The following ENTREP2 variants were observed in gnomAD, a reference collection of about 807,000 sequenced individuals.
ENTREP2 encodes the protein protein ENTREP2.
the ENTREP2 span, among the ~76,000 whole-genome samples, chr15:29,323,138 C>G: frequency 1.3e-5 from 2 of 152,152 alleles, no homozygotes; most frequent in Admixed American, 1.3e-4. Flanking sequence ...TCCTTGGAAT[C>G]CCCAAAGTCC....
the ENTREP2 span, among the ~76,000 whole-genome samples, chr15:29,642,834 G>C: frequency 3.3e-5 from 5 of 152,070 alleles, no homozygotes; most frequent in South Asian, 4.2e-4. Flanking sequence ...GGATGATCTC[G>C]ATCTCTTGAC....
chr15:29,144,158 C>G, the ENTREP2 span, among the ~76,000 whole-genome samples: 103 of 152,296 alleles, frequency 6.8e-4, no homozygotes, highest in African/African-American at 2.3e-3. Flanking sequence ...ACGCCTTCTT[C>G]TCTGGGACTA....
At chr15:29,518,199 T>TCAAAACAAAA in the ENTREP2 span, among the ~76,000 whole-genome samples, 17 of 151,870 alleles carry the variant, frequency 1.1e-4, no homozygotes, top group Admixed American at 8.5e-4. Flanking sequence ...AGACCTAGTC[T>TCAAAACAAAA]CAAAACAAAA....
At chr15:29,456,341 T>TCCACTGAG in the ENTREP2 span, among the ~76,000 whole-genome samples, 1 of 152,138 alleles carries the variant, frequency 6.6e-6, no homozygotes, top group Non-Finnish European at 1.5e-5. Context: ...CTAATCTGAC[T>TCCACTGAG]GCATGGAAGA....
At chr15:29,190,353 C>T in the ENTREP2 span, among the ~76,000 whole-genome samples, 2 of 151,124 alleles carry the variant, frequency 1.3e-5, no homozygotes, top group Non-Finnish European at 3.0e-5. Flanking sequence ...CCCAGGGGTT[C>T]TCTGCTAAAA....
the ENTREP2 span, among the ~76,000 whole-genome samples, chr15:29,550,713 C>T: frequency 3.7e-4 from 56 of 152,184 alleles, no homozygotes; most frequent in Non-Finnish European, 7.1e-4. Flanking sequence ...AAATAAAATT[C>T]ATAACCAAAA....
At chr15:29,235,386 C>T in the ENTREP2 span, among the ~76,000 whole-genome samples, 2 of 152,146 alleles carry the variant, frequency 1.3e-5, no homozygotes, top group African/African-American at 4.8e-5. Context: ...TTTCATCTTG[C>T]TTGTCCTTAA....
chr15:29,201,440 G>A, the ENTREP2 span, among the ~76,000 whole-genome samples: 2 of 152,128 alleles, frequency 1.3e-5, no homozygotes, highest in African/African-American at 4.8e-5. Context: ...AGTTGAGGAC[G>A]TTCTCTATGC....
the ENTREP2 span, among the ~76,000 whole-genome samples, chr15:29,294,860 A>G: frequency 6.6e-6 from 1 of 152,162 alleles, no homozygotes; most frequent in Admixed American, 6.5e-5. Flanking sequence ...GTGTCTGAGG[A>G]ACAATTTGGC....
the ENTREP2 span, among the ~76,000 whole-genome samples, chr15:29,658,984 C>G: frequency 6.6e-6 from 1 of 152,258 alleles, no homozygotes; most frequent in Non-Finnish European, 1.5e-5. Context: ...TCACTTCACA[C>G]AACATACAGA....
At chr15:29,551,564 C>A in the ENTREP2 span, among the ~76,000 whole-genome samples, 1 of 152,140 alleles carries the variant, frequency 6.6e-6, no homozygotes, top group Non-Finnish European at 1.5e-5. Flanking sequence ...CATAAGATAC[C>A]AGTTCTCAGC....
the ENTREP2 span, among the ~76,000 whole-genome samples, chr15:29,596,596 T>C: frequency 1.3e-5 from 2 of 152,202 alleles, no homozygotes; most frequent in African/African-American, 2.4e-5. Flanking sequence ...GTTCCATACA[T>C]TTGTGGTACA....
chr15:29,421,947 T>G, the ENTREP2 span, among the ~76,000 whole-genome samples: 1 of 152,150 alleles, frequency 6.6e-6, no homozygotes, highest in African/African-American at 2.4e-5. Context: ...AAAGACAGCA[T>G]GGTGGAGGCC....
chr15:29,639,318 G>A, the ENTREP2 span, among the ~76,000 whole-genome samples: 149 of 152,276 alleles, frequency 9.8e-4, no homozygotes, highest in Non-Finnish European at 2.1e-3. Flanking sequence ...ATTGTCATTT[G>A]CCATACTTAT....
At chr15:29,587,443 G>A in the ENTREP2 span, among the ~76,000 whole-genome samples, 4 of 152,006 alleles carry the variant, frequency 2.6e-5, no homozygotes, top group African/African-American at 9.7e-5. Context: ...ATTTTTTTCT[G>A]AGTGCCAATA....
chr15:29,505,190 A>T, the ENTREP2 span, among the ~76,000 whole-genome samples: 1,752 of 152,364 alleles, frequency 0.011, 38 homozygotes, highest in African/African-American at 0.041. This position sits in a 1 kb window ranked among gnomAD's most constrained non-coding sequence, Gnocchi z 4.3. Context: ...CACTGTAGCC[A>T]GACTGCCTCT....
At chr15:29,397,399 G>GA in the ENTREP2 span, among the ~76,000 whole-genome samples, 3 of 150,948 alleles carry the variant, frequency 2.0e-5, no homozygotes, top group Non-Finnish European at 4.4e-5. Context: ...TTAAAAAAAG[G>GA]AAAAAAAAAT....
At chr15:29,595,423 A>C in the ENTREP2 span, among the ~76,000 whole-genome samples, 1 of 152,160 alleles carries the variant, frequency 6.6e-6, no homozygotes, top group Non-Finnish European at 1.5e-5. Context: ...CAATGAAACA[A>C]TACTGACACA....
chr15:29,460,995 T>C, the ENTREP2 span, among the ~76,000 whole-genome samples: 2 of 152,212 alleles, frequency 1.3e-5, no homozygotes, highest in Non-Finnish European at 2.9e-5. Flanking sequence ...ACAATTTTCT[T>C]ATAGTGCCTC....
Sources: allele counts gnomAD v4.1 joint callset (sites outside exome capture counted in the v4.1 genomes callset), GRCh38; gene constraint gnomAD v4.1.1; non-coding constraint Gnocchi (gnomAD v3.1); transcripts MANE v1.5; gene names NCBI Gene and HGNC (gene_info 2026-07-23, HGNC 2026-07-21).